Variants in HS6ST3 observed in about 807,000 individuals in gnomAD.
HS6ST3 encodes heparan-sulfate 6-O-sulfotransferase 3.
HS6ST3 carries 12 observed loss-of-function variants against 36.7 expected under a neutral mutation model. That is an observed-to-expected ratio of 0.33 (90% confidence interval 0.21 to 0.53). HS6ST3 has a LOEUF of 0.53. Among genes scored for constraint, HS6ST3 ranks in the 20% least tolerant of loss-of-function variants. HS6ST3 has a pLI of 0.95. For synonymous variants in HS6ST3, 240 were observed against 257.5 expected, an observed-to-expected ratio of 0.93 and a Z score of 0.65; for missense variants, 584 against 640.9, an observed-to-expected ratio of 0.91 and a Z score of 0.96.
intron 1 of HS6ST3, among the ~76,000 whole-genome samples, chr13:96,419,514 TAGAG>T (rs1335696268): frequency 6.6e-6 from 1 of 152,180 alleles, no homozygotes; most frequent in Non-Finnish European, 1.5e-5. Context: ...GATGGATAGA[TAGAG>T]AGGTAGGCAG....
At chr13:96,215,976 A>G (rs1415163915) in intron 1 of HS6ST3, among the ~76,000 whole-genome samples, 2 of 152,216 alleles carry the variant, frequency 1.3e-5, no homozygotes, top group African/African-American at 4.8e-5. Context: ...GTAATAATGC[A>G]TAGTAGTGAA....
intron 1 of HS6ST3, among the ~76,000 whole-genome samples, chr13:96,568,789 T>C (rs2056290948): frequency 6.6e-6 from 1 of 152,226 alleles, no homozygotes; most frequent in African/African-American, 2.4e-5. Context: ...GCTGAAAATT[T>C]TATTCTGGAC....
At chr13:96,764,068 A>C (rs1877034494) in intron 1 of HS6ST3, among the ~76,000 whole-genome samples, 1 of 152,212 alleles carries the variant, frequency 6.6e-6, no homozygotes, top group African/African-American at 2.4e-5. Flanking sequence ...AGTGTTCTTA[A>C]TTTAACGTTT....
intron 1 of HS6ST3, among the ~76,000 whole-genome samples, chr13:96,536,560 T>A (rs1044663137): frequency 6.6e-6 from 1 of 152,222 alleles, no homozygotes; most frequent in Non-Finnish European, 1.5e-5. Flanking sequence ...CGTTTCTTTG[T>A]AGACAGTTGG....
intron 1 of HS6ST3, among the ~76,000 whole-genome samples, chr13:96,129,199 A>G (rs1282036979): frequency 2.0e-5 from 3 of 152,166 alleles, no homozygotes; most frequent in Non-Finnish European, 2.9e-5. Context: ...CTCACTTTCT[A>G]AAGTGTCTCA....
At chr13:96,135,275 T>C (rs1175458375) in intron 1 of HS6ST3, among the ~76,000 whole-genome samples, 1 of 152,174 alleles carries the variant, frequency 6.6e-6, no homozygotes, top group Non-Finnish European at 1.5e-5. Flanking sequence ...GCTGCAGTTA[T>C]CACCGTGGAC....
intron 1 of HS6ST3, among the ~76,000 whole-genome samples, chr13:96,242,885 A>G (rs1049169506): frequency 6.6e-6 from 1 of 152,254 alleles, no homozygotes; most frequent in Non-Finnish European, 1.5e-5. Flanking sequence ...CGGCACTCCC[A>G]TATTCATTGC....
chr13:96,330,029 T>G (rs1320389950), intron 1 of HS6ST3, among the ~76,000 whole-genome samples: 1 of 150,602 alleles, frequency 6.6e-6, no homozygotes, highest in Non-Finnish European at 1.5e-5. Flanking sequence ...GTTTTCCATT[T>G]GCTTGGTAGA....
chr13:96,362,288 AT>A lies in HS6ST3; in HGVS notation c.707+270721del, dbSNP rs1475079283. ...CGATTTCTAACAAAATATTTTTAAA[AT>A]TAAAAAAACTGTTCTTATTGAATAT... On this transcript the variant is annotated intron_variant, in intron 1 of 1. Coordinates refer to ENST00000376705, the MANE Select transcript of HS6ST3 (RefSeq NM_153456.4). Among the ~76,000 whole-genome samples the A allele has an allele frequency of 2.2e-5, 3 of 135,266 alleles. No individual in the cohort carries two copies. In the East Asian group the frequency reaches 6.4e-4, roughly 29 times the overall value. 88.7% of individuals were successfully genotyped at this position (135,266 alleles called of 152,430 possible).
intron 1 of HS6ST3, among the ~76,000 whole-genome samples, chr13:96,133,173 G>A (rs1402550355): frequency 3.9e-5 from 6 of 151,952 alleles, no homozygotes; most frequent in African/African-American, 1.4e-4. Flanking sequence ...TTTTTGCCCA[G>A]GCTGGAATGC....
intron 1 of HS6ST3, among the ~76,000 whole-genome samples, chr13:96,136,341 C>T (rs1297711417): frequency 2.6e-5 from 4 of 152,046 alleles, no homozygotes; most frequent in Non-Finnish European, 5.9e-5. Flanking sequence ...TATATGGAAG[C>T]GTGGCACCAT....
At chr13:96,574,022 C>T in intron 1 of HS6ST3, 2 of 543,028 alleles carry the variant, frequency 3.7e-6, no homozygotes, top group Non-Finnish European at 7.5e-6. Context: ...CACCAATGAC[C>T]CCTGTCTGCT....
chr13:96,622,912 G>A (rs1203134168), intron 1 of HS6ST3, among the ~76,000 whole-genome samples: 2 of 152,050 alleles, frequency 1.3e-5, no homozygotes, highest in Admixed American at 1.3e-4. Context: ...ATTCCAGGTG[G>A]TTATTTTCAA....
At chr13:96,605,157 A>G (rs925994905) in intron 1 of HS6ST3, among the ~76,000 whole-genome samples, 1 of 152,166 alleles carries the variant, frequency 6.6e-6, no homozygotes, top group African/African-American at 2.4e-5. Context: ...ACTTCTTATC[A>G]GTTCTAGGAC....
intron 1 of HS6ST3, among the ~76,000 whole-genome samples, chr13:96,737,207 A>C (rs1448421038): frequency 1.3e-5 from 2 of 152,376 alleles, no homozygotes; most frequent in Non-Finnish European, 2.9e-5. Context: ...GGAAATTAAA[A>C]GAATCATAAG....
chr13:96,465,382 A>T lies in HS6ST3; in HGVS notation c.708-367108A>T, dbSNP rs75774905. ...AAGACATACATGGGGGAATACTCATAGAAGGGAATACTACACAGCAATGAA... is the reference window on the plus strand; with the variant it reads ...AAGACATACATGGGGGAATACTCATTGAAGGGAATACTACACAGCAATGAA... On this transcript the variant is annotated intron_variant, in intron 1 of 1. Transcript: ENST00000376705. 4.3e-4 allele frequency among the ~76,000 whole-genome samples: 65 copies of T among 152,330 alleles called. No homozygotes were observed. In the East Asian group the frequency reaches 0.011, roughly 25 times the overall value.
chr13:96,401,540 T>TATA (rs2055451200), intron 1 of HS6ST3, among the ~76,000 whole-genome samples: 1 of 152,204 alleles, frequency 6.6e-6, no homozygotes, highest in Non-Finnish European at 1.5e-5. Flanking sequence ...TTGTCACAAG[T>TATA]ATAATATTCA....
intron 1 of HS6ST3, among the ~76,000 whole-genome samples, chr13:96,740,429 A>T (rs1311311474): frequency 6.6e-6 from 1 of 152,166 alleles, no homozygotes; most frequent in African/African-American, 2.4e-5. Flanking sequence ...TAATCTTTGA[A>T]TTGTATGCTT....
chr13:96,555,824 C>A (rs771204480), intron 1 of HS6ST3, among the ~76,000 whole-genome samples: 1 of 151,234 alleles, frequency 6.6e-6, no homozygotes, highest in African/African-American at 2.4e-5. Context: ...AAAAAAACTT[C>A]TATATGGGAT....
Sources: gnomAD v4.1 joint callset for allele counts (sites outside exome capture counted in the v4.1 genomes callset) on GRCh38, gnomAD v4.1.1 for gene constraint, MANE v1.5 for transcripts, NCBI Gene and HGNC (gene_info 2026-07-23, HGNC 2026-07-21) for gene names.